The following SP7 variants were observed in gnomAD, a reference collection of about 807,000 sequenced individuals.
SP7 encodes the protein transcription factor Sp7.
A neutral mutation model predicts 27.9 loss-of-function variants in SP7; 13 were observed. The observed-to-expected ratio is 0.47, with a 90% CI of 0.30 to 0.74. SP7 has a LOEUF of 0.74. Among genes scored for constraint, SP7 ranks in the 30% least tolerant of loss-of-function variants. The pLI is 0.06. For missense variants in SP7, 525 were observed against 558.0 expected, an observed-to-expected ratio of 0.94 and a Z score of 0.60; for synonymous variants, 219 against 226.7, an observed-to-expected ratio of 0.97 and a Z score of 0.31.
upstream of SP7, among the ~76,000 whole-genome samples, chr12:53,338,092 G>A (rs1944787575): frequency 6.7e-6 from 1 of 148,216 alleles, no homozygotes; most frequent in African/African-American, 2.5e-5. Context: ...AATAGCCTGA[G>A]GCATAGCCAG....
chr12:53,332,388 G>A (rs1460617105), intron 2 of SP7, among the ~76,000 whole-genome samples: 1 of 152,092 alleles, frequency 6.6e-6, no homozygotes, highest in Non-Finnish European at 1.5e-5. Context: ...GACCAGCCTG[G>A]GCAACATAGT....
rs1944769152 is a variant in SP7 at position 53,336,211 on chromosome 12, G to C, written c.-113C>G. 6.2e-6 allele frequency: 1 copy of C among 162,470 alleles called. No homozygotes were observed. The highest frequency in any genetic ancestry group is 1.6e-4 in the South Asian group (1 of 6,224). The allele number at this position is 162,470 out of a possible 1,614,324, so 10.1% of individuals were successfully genotyped here. A position where few individuals can be genotyped will look rare whatever the true frequency, so the allele number is the denominator to read the frequency against. On this transcript the variant is annotated 5_prime_UTR_variant, in exon 1 of 3. Transcript: ENST00000536324. ...CTGGAGGTCTGGCAGGGAGAGTGCA[G>C]GCAACGGGTGGCCTGAGGGTGCTGG... is the stretch of plus-strand genomic sequence containing the variant.
chr12:53,338,106 C>CGGAGGAGGA (rs56061756), upstream of SP7, among the ~76,000 whole-genome samples: 11 of 136,224 alleles, frequency 8.1e-5, no homozygotes, highest in Non-Finnish European at 1.1e-4. Flanking sequence ...TAGCCAGGTC[C>CGGAGGAGGA]GGAGGAGGAG....
At chr12:53,331,394 C>T (rs1944702290) in intron 2 of SP7, among the ~76,000 whole-genome samples, 1 of 141,624 alleles carries the variant, frequency 7.1e-6, no homozygotes, top group African/African-American at 2.6e-5. Flanking sequence ...TTGCTTGAAC[C>T]TGGGAGGTGG....
At position 53,328,395 on chromosome 12, in the gene SP7, G is replaced by A. The variant is rs759823149; in HGVS notation, c.1047C>T (p.Thr349=). 5.6e-6 allele frequency: 9 copies of A among 1,613,808 alleles called. No homozygotes were observed. In the Admixed American group the frequency reaches 1.5e-4, roughly 27 times the overall value. ...GCAGGCAGGTGAACTTCTTCTCCCG[G>A]GTGTGAGTGCGCACATGACGCTCCA... ...DELERHVRTH[T]REKKFTCLLC... is the part of the protein sequence containing the mutation. Residue 349 remains threonine, a synonymous_variant, in exon 3 of 3, where the codon ACC becomes ACT. Coordinates refer to ENST00000536324, the MANE Select transcript of SP7 (RefSeq NM_001173467.3). The surrounding 1 kb of genome is among the most constrained non-coding windows in gnomAD (Gnocchi z 5.1).
In SP7 at chr12:53,329,414, C is replaced by T; in HGVS notation, c.28G>A (p.Val10Ile). The T allele has an allele frequency of 6.2e-7, 1 of 1,613,638 alleles. No homozygotes were observed. ...GCCAGGGGACTGGAGCCATAGTGAA[C>T]TTCCTCCTGTGGAAAGAGGGACGCA... The part of the protein sequence containing the change: MASSLLEEE[V>I]HYGSSPLAML... Residue 10 changes from valine (V) to isoleucine (I), a missense_variant, in exon 3 of 3, where the codon GTT (valine) becomes ATT (isoleucine). Val to Ile is a conservative substitution (Grantham distance 29, BLOSUM62 3). Coordinates refer to ENST00000536324, the MANE Select transcript of SP7 (RefSeq NM_001173467.3).
chr12:53,342,072 AAAAC>A (rs71068111), intron 1 of SP7, among the ~76,000 whole-genome samples: 28,307 of 149,518 alleles, frequency 0.19, 2,779 homozygotes, highest in Admixed American at 0.21. Flanking sequence ...AAAAAAACAA[AAAAC>A]AAACAAACAA....
At chr12:53,334,517 GCACCC>G (rs1449573786) in intron 2 of SP7, among the ~76,000 whole-genome samples, 4 of 152,208 alleles carry the variant, frequency 2.6e-5, no homozygotes, top group Non-Finnish European at 5.9e-5. Context: ...GTTTGGCCCA[GCACCC>G]CTGGGCCTGA....
At position 53,327,817 on chromosome 12, in the gene SP7, T is replaced by G; in HGVS notation, c.*329A>C. 2.5e-5 allele frequency: 8 copies of G among 322,176 alleles called. No homozygotes were observed. The highest frequency in any genetic ancestry group is 1.0e-4 in the East Asian group (2 of 19,776). The allele number at this position is 322,176 out of a possible 1,614,324, so 20.0% of individuals were successfully genotyped here. A position where few individuals can be genotyped will look rare whatever the true frequency, so the allele number is the denominator to read the frequency against. On this transcript the variant is annotated 3_prime_UTR_variant, in exon 3 of 3. Transcript: ENST00000536324. ...GCAGAAAGGGGTACATGTCAAGGAG[T>G]GAGATGGAGAAATAGTGTTGGGAGC... is the stretch of plus-strand genomic sequence containing the variant.
upstream of SP7, among the ~76,000 whole-genome samples, chr12:53,340,482 C>T (rs555743714): frequency 4.6e-5 from 7 of 152,272 alleles, no homozygotes; most frequent in East Asian, 1.2e-3. Context: ...CACACACACA[C>T]CAGAGTTCAG....
upstream of SP7, among the ~76,000 whole-genome samples, chr12:53,340,617 CA>C (rs779952650): frequency 1.3e-5 from 2 of 152,196 alleles, no homozygotes; most frequent in Non-Finnish European, 2.9e-5. Context: ...TCCCCAACCA[CA>C]GGGGCCTGGA....
chr12:53,328,097 CAA>C lies in SP7; in HGVS notation c.*47_*48del. 6.6e-7 allele frequency: 1 copy of C among 1,517,482 alleles called. No homozygotes were observed. Among genetic ancestry groups the C allele is most frequent in the Non-Finnish European group, 8.8e-7 (1 of 1,130,372 alleles). The allele number at this position is 1,517,482 out of a possible 1,614,324, so 94.0% of individuals were successfully genotyped here. A position where few individuals can be genotyped will look rare whatever the true frequency, so the allele number is the denominator to read the frequency against. On this transcript the variant is annotated 3_prime_UTR_variant, in exon 3 of 3. Transcript: ENST00000536324. This position sits in a 1 kb window ranked among gnomAD's most constrained non-coding sequence, Gnocchi z 5.1. ...ATTGGCAAGCAGTGGTCTAGAGAGC[CAA>C]GAGAGACTGTCAGGGCAGCCCTGGG...
chr12:53,336,101 AG>A, intron 1 of SP7, 44 bp downstream of exon 1: 1 of 180,254 alleles, frequency 5.5e-6, no homozygotes, highest in East Asian at 1.4e-4. Context: ...GCAGTCCCAT[AG>A]GCATCTGTGG....
upstream of SP7, among the ~76,000 whole-genome samples, chr12:53,340,904 G>C: frequency 6.6e-6 from 1 of 152,206 alleles, no homozygotes; most frequent in Admixed American, 6.5e-5. Context: ...GACCAGGAAA[G>C]CTTGCTCCTT....
chr12:53,342,893 C>T (rs1565795792), intron 1 of SP7, among the ~76,000 whole-genome samples: 2 of 150,644 alleles, frequency 1.3e-5, no homozygotes, highest in African/African-American at 4.9e-5. Context: ...TTATAGGAGA[C>T]AAAAGAGTAA....
rs1225673693 is a variant in SP7, at chr12:53,328,599, C to T, written c.843G>A (p.Leu281=). ...TCCGCAGCCCAGCCGCTGCTGCTCC[C>T]AGCCGCTCTAGCTCCTGGCAATTAG... ...DCPNCQELER[L]GAAAAGLRKK... is the part of the protein sequence containing the mutation. The change falls in exon 3 of 3, where the codon CTG becomes CTA. Residue 281 remains leucine, a synonymous_variant. Transcript: ENST00000536324. This position sits in a 1 kb window ranked among gnomAD's most constrained non-coding sequence, Gnocchi z 5.1. 6.2e-7 allele frequency: 1 copy of T among 1,609,816 alleles called. No homozygotes were observed. Among genetic ancestry groups the T allele is most frequent in the Admixed American group, 1.7e-5 (1 of 59,924 alleles).
chr12:53,329,770 C>T (rs571245551), intron 2 of SP7, among the ~76,000 whole-genome samples: 354 of 152,012 alleles, frequency 2.3e-3, no homozygotes, highest in African/African-American at 8.0e-3. Flanking sequence ...TCGCTGTTGT[C>T]GCCCAGGTTG....
chr12:53,331,708 AC>A (rs1944707562), intron 2 of SP7, among the ~76,000 whole-genome samples: 1 of 152,048 alleles, frequency 6.6e-6, no homozygotes, highest in Admixed American at 6.6e-5. Flanking sequence ...CTACCCCTAT[AC>A]AGTTATATGG....
chr12:53,342,864 A>T (rs979173194), intron 1 of SP7, among the ~76,000 whole-genome samples: 2 of 151,266 alleles, frequency 1.3e-5, no homozygotes, highest in African/African-American at 4.8e-5. Context: ...AAAATAAAAT[A>T]AAAAATAAGT....
Sources: allele counts gnomAD v4.1 joint callset (sites outside exome capture counted in the v4.1 genomes callset), GRCh38; gene constraint gnomAD v4.1.1; non-coding constraint Gnocchi (gnomAD v3.1); transcripts MANE v1.5; gene names NCBI Gene and HGNC (gene_info 2026-07-23, HGNC 2026-07-21).